The following PTCH1 variants were observed in gnomAD, a reference collection of about 807,000 sequenced individuals.
PTCH1 encodes protein patched homolog 1.
In PTCH1, 14 loss-of-function variants were observed where a neutral mutation model predicts 144.6. The ratio of observed to expected loss-of-function variants is 0.10; its 90% CI spans 0.06 to 0.15. The LOEUF (loss-of-function observed/expected upper bound fraction) is 0.15. PTCH1 is among the 10% of genes least tolerant of loss of function. PTCH1 has a pLI of 1.00. For missense variants in PTCH1, 1,623 were observed against 1,948.3 expected (o/e 0.83, Z 3.14); for synonymous variants, 833 against 793.6 (o/e 1.05, Z -0.83).
intron 5 of PTCH1, among the ~76,000 whole-genome samples, chr9:95,481,660 G>C (rs1005171356): frequency 6.6e-6 from 1 of 152,134 alleles, no homozygotes; most frequent in Non-Finnish European, 1.5e-5. Context: ...ATTTTAAAGA[G>C]TTAAAAAATC....
intron 19 of PTCH1, 128 bp from the exon 20 acceptor site, chr9:95,453,748 A>T (rs1287022700): frequency 7.8e-7 from 1 of 1,284,172 alleles, no homozygotes; most frequent in Non-Finnish European, 1.1e-6. Flanking sequence ...AGAATGTGTA[A>T]TCAGAGTAGC....
At chr9:95,461,123 C>A (rs1471448521) in intron 16 of PTCH1, among the ~76,000 whole-genome samples, 1 of 152,080 alleles carries the variant, frequency 6.6e-6, no homozygotes, top group Non-Finnish European at 1.5e-5. Flanking sequence ...GGGCCCCGTG[C>A]AATTGGAGGA....
intron 2 of PTCH1, among the ~76,000 whole-genome samples, chr9:95,493,746 T>C (rs552943838): frequency 3.9e-5 from 6 of 152,232 alleles, no homozygotes; most frequent in African/African-American, 1.4e-4. Flanking sequence ...TACAAATCTC[T>C]AAGCGGGTGT....
rs771847879 is a variant in PTCH1, at chr9:95,508,261, C to G, written c.101G>C (p.Arg34Thr). The G allele has an allele frequency of 4.4e-6, 7 of 1,589,322 alleles. No homozygotes were observed. The African/African-American group carries it at 8.1e-5, about 18-fold the overall frequency. Reference protein sequence around the residue: ...PGRPAGGGRRRRTGGLRRAAA... With the variant: ...PGRPAGGGRRTRTGGLRRAAA... ...AGCACGGCGCAGCCCCCCCGTCCGT[C>G]TGCGCCTCCCGCCTCCAGCCGGCCG... Residue 34 changes from arginine to threonine, a missense_variant, in exon 1 of 24, where the codon AGA becomes ACA. This residue lies in a region of PTCH1 where 245 missense variants were observed against 240.6 expected (regional missense o/e 1.02). Coordinates refer to ENST00000331920, the MANE Select transcript of PTCH1 (RefSeq NM_000264.5).
intron 19 of PTCH1, 89 bp downstream of exon 19, chr9:95,456,187 A>T (rs2136645706): frequency 6.5e-7 from 1 of 1,546,108 alleles, no homozygotes. Context: ...ACGCACAGGG[A>T]GAATGCAAGG....
At chr9:95,470,391 T>TA (rs1840458076) in intron 12 of PTCH1, among the ~76,000 whole-genome samples, 1 of 152,120 alleles carries the variant, frequency 6.6e-6, no homozygotes, top group Non-Finnish European at 1.5e-5. Context: ...AAACGTGAAA[T>TA]ACAATTTCAC....
chr9:95,449,670 C>A lies in PTCH1; in HGVS notation c.3549+171G>T. On this transcript the variant is annotated intron_variant, in intron 21 of 23. Coordinates refer to ENST00000331920, the MANE Select transcript of PTCH1 (RefSeq NM_000264.5). This position sits in a 1 kb window ranked among gnomAD's most constrained non-coding sequence, Gnocchi z 5.3. ...TTAGAGGAACCAAACCGAACCCGCC[C>A]TCTAGCCCTCAAAGCCAGTACACCG... is the stretch of plus-strand genomic sequence containing the variant. 1 of 755,562 alleles carries A rather than the reference C, an allele frequency of 1.3e-6. No homozygotes were observed. 46.8% of individuals were successfully genotyped at this position (755,562 alleles called of 1,614,324 possible). A position where few individuals can be genotyped will look rare whatever the true frequency, so the allele number is the denominator to read the frequency against.
intron 12 of PTCH1, among the ~76,000 whole-genome samples, chr9:95,470,869 C>G (rs1032187238): frequency 6.6e-6 from 1 of 152,136 alleles, no homozygotes; most frequent in African/African-American, 2.4e-5. Flanking sequence ...GGTCAGGGAT[C>G]TCCTGATCAA....
At chr9:95,474,172 G>C (rs935450767) in intron 12 of PTCH1, 2 of 400,138 alleles carry the variant, frequency 5.0e-6, no homozygotes, top group Non-Finnish European at 1.0e-5. Flanking sequence ...GAATGAGAGA[G>C]AAAAGAAGAA....
At chr9:95,507,833 C>T (rs1472845951) in intron 1 of PTCH1, 2 of 915,368 alleles carry the variant, frequency 2.2e-6, no homozygotes, top group Non-Finnish European at 2.9e-6. Context: ...GTGCCGCGGC[C>T]GCCCTTGAGG....
In PTCH1 at chr9:95,476,937, C is replaced by T. The variant is rs1323224096; in HGVS notation, c.1504-80G>A. ...ATTCTAAAGCTAGTTAGGACTCTGC[C>T]ACCAGCACCTAACAGCTCCTGAAGC... is the stretch of plus-strand genomic sequence containing the variant. On this transcript the variant is annotated intron_variant, in intron 10 of 23. Transcript: ENST00000331920. This position sits in a 1 kb window ranked among gnomAD's most constrained non-coding sequence, Gnocchi z 4.6. 7.6e-7 allele frequency: 1 copy of T among 1,321,054 alleles called. No homozygotes were observed. The highest frequency in any genetic ancestry group is 1.1e-6 in the Non-Finnish European group (1 of 930,904). 81.8% of individuals were successfully genotyped at this position (1,321,054 alleles called of 1,614,324 possible).
chr9:95,480,503 A>C lies in PTCH1; in HGVS notation c.832T>G (p.Trp278Gly), dbSNP rs1219459429. The change falls in exon 6 of 24, where the codon TGG becomes GGG. Residue 278 changes from tryptophan to glycine, a missense_variant. By Grantham distance (184) the Trp-to-Gly change is radical (BLOSUM62 -2). Transcript: ENST00000331920. ...LKKINYQVDS[W>G]EEMLNKAEVG... ...TCAGCCTTATTCAGCATTTCCTCCC[A>C]GCTGTCCACTTGATAGTTTATTTTC... 2 of 1,613,162 alleles carry C rather than the reference A, an allele frequency of 1.2e-6. No individual in the cohort carries two copies. Among genetic ancestry groups the C allele is most frequent in the Non-Finnish European group, 8.5e-7 (1 of 1,179,898 alleles).
chr9:95,509,985 G>T (rs1045454918), upstream of PTCH1, among the ~76,000 whole-genome samples: 1 of 148,980 alleles, frequency 6.7e-6, no homozygotes, highest in African/African-American at 2.5e-5. Flanking sequence ...CCCCCCAGCC[G>T]CTTTCTCCCC....
chr9:95,471,655 G>A (rs1840591576), intron 12 of PTCH1, among the ~76,000 whole-genome samples: 1 of 152,250 alleles, frequency 6.6e-6, no homozygotes, highest in Non-Finnish European at 1.5e-5. Flanking sequence ...GCGTCATGAA[G>A]GCAGGTGTCA....
At position 95,468,917 on chromosome 9, in the gene PTCH1, T is replaced by A. The variant is rs2118039136; in HGVS notation, c.2084A>T (p.Asp695Val). 6.2e-7 allele frequency: 1 copy of A among 1,614,018 alleles called. No individual in the cohort carries two copies. The highest frequency in any genetic ancestry group is 8.5e-7 in the Non-Finnish European group (1 of 1,180,016). ...ISVQPVTVTQDTLSCQSPEST... is the reference protein window; with the variant it reads ...ISVQPVTVTQVTLSCQSPEST... ...CTCTGGGCTCTGGCAGCTGAGGGTG[T>A]CCTGTGTCACGGTGACGGGCTGCAC... is the stretch of plus-strand genomic sequence containing the variant. The change falls in exon 14 of 24, where the codon GAC becomes GTC. Residue 695 changes from aspartate (D) to valine (V), a missense_variant. This residue lies in a region of PTCH1 where 179 missense variants were observed against 165.7 expected (regional missense o/e 1.08). Coordinates refer to ENST00000331920, the MANE Select transcript of PTCH1 (RefSeq NM_000264.5).
Position 95,508,404 on chromosome 9 carries a change from C to A in PTCH1, c.-43G>T. On this transcript the variant is annotated 5_prime_UTR_variant, in exon 1 of 24. Transcript: ENST00000331920. The stretch of plus-strand genomic sequence containing the variant: ...CGCCGCCGCGGGGACGGAGGCTTCC[C>A]GGGCGGCCCGGCGCGCTGCTGCCGC... 2 of 1,083,654 alleles carry A rather than the reference C, an allele frequency of 1.8e-6. No homozygotes were observed. Among genetic ancestry groups the A allele is most frequent in the Non-Finnish European group, 2.2e-6 (2 of 895,780 alleles). The allele number at this position is 1,083,654 out of a possible 1,614,324, so 67.1% of individuals were successfully genotyped here.
At chr9:95,513,323 A>T (rs1470636142), upstream of PTCH1, among the ~76,000 whole-genome samples, 4 of 152,238 alleles carry the variant, frequency 2.6e-5, no homozygotes, top group Non-Finnish European at 5.9e-5. Context: ...GGGTTAATGT[A>T]TTCCAGTAAT....
intron 12 of PTCH1, among the ~76,000 whole-genome samples, chr9:95,474,683 A>C (rs1358995436): frequency 1.3e-5 from 2 of 152,216 alleles, no homozygotes; most frequent in Non-Finnish European, 2.9e-5. Context: ...GTAGTTGCCC[A>C]GGCCTCTTGG....
intron 2 of PTCH1, among the ~76,000 whole-genome samples, chr9:95,491,365 T>G (rs1006641213): frequency 2.6e-5 from 4 of 152,172 alleles, no homozygotes; most frequent in African/African-American, 9.7e-5. Flanking sequence ...CTCAGCCACC[T>G]TTCCTGGTTG....
Sources: allele counts gnomAD v4.1 joint callset (sites outside exome capture counted in the v4.1 genomes callset), GRCh38; gene constraint gnomAD v4.1.1; regional missense constraint gnomAD v4.1.1; non-coding constraint Gnocchi (gnomAD v3.1); transcripts MANE v1.5; gene names NCBI Gene and HGNC (gene_info 2026-07-23, HGNC 2026-07-21).